CAMKMT: variants seen among roughly 807,000 people sequenced by gnomAD.
The protein encoded by CAMKMT is calmodulin-lysine N-methyltransferase, also known as CaM KMT.
In CAMKMT, 53 loss-of-function variants were observed where a neutral mutation model predicts 48.0. That is an observed-to-expected ratio of 1.10 (90% CI 0.89 to 1.39). The LOEUF is 1.39. Among genes scored for constraint, CAMKMT ranks in the 40% most tolerant of loss-of-function variants. CAMKMT has a pLI of 0.00. For missense variants in CAMKMT, 428 were observed against 402.7 expected (o/e 1.06, Z -0.54); for synonymous variants, 165 against 152.3 (o/e 1.08, Z -0.61).
chr2:44,694,631 A>T (rs1444870640), intron 3 of CAMKMT, among the ~76,000 whole-genome samples: 1 of 152,360 alleles, frequency 6.6e-6, no homozygotes, highest in Admixed American at 6.5e-5. Flanking sequence ...GTGGTTGCTT[A>T]TATTAAGTAG....
chr2:44,747,185 C>T (rs775423473), intron 8 of CAMKMT, among the ~76,000 whole-genome samples: 10 of 152,144 alleles, frequency 6.6e-5, no homozygotes, highest in Non-Finnish European at 1.2e-4. Context: ...GCTCTCTCAG[C>T]GTTTTTGCAC....
At chr2:44,520,124 CA>C (rs1671027561) in intron 3 of CAMKMT, among the ~76,000 whole-genome samples, 1 of 151,928 alleles carries the variant, frequency 6.6e-6, no homozygotes, top group Non-Finnish European at 1.5e-5. Flanking sequence ...GAGGCTGAGG[CA>C]GGAGAATGGC....
intron 3 of CAMKMT, among the ~76,000 whole-genome samples, chr2:44,420,300 G>C (rs988071720): frequency 6.6e-6 from 1 of 152,036 alleles, no homozygotes; most frequent in Non-Finnish European, 1.5e-5. Context: ...ATTTACTGTT[G>C]CTTTCATATT....
chr2:44,474,639 C>G (rs1304207567), intron 3 of CAMKMT, among the ~76,000 whole-genome samples: 2 of 152,108 alleles, frequency 1.3e-5, no homozygotes, highest in Admixed American at 1.3e-4. Context: ...GACCTATAAT[C>G]TCTAAGGCAG....
chr2:44,582,342 T>A (rs776107234), intron 3 of CAMKMT, among the ~76,000 whole-genome samples: 1 of 152,214 alleles, frequency 6.6e-6, no homozygotes, highest in Non-Finnish European at 1.5e-5. Flanking sequence ...TGCAATGCCA[T>A]AAAAATATTA....
chr2:44,643,446 GAGAGGT>G (rs1419082743), intron 3 of CAMKMT, among the ~76,000 whole-genome samples: 1 of 152,192 alleles, frequency 6.6e-6, no homozygotes, highest in African/African-American at 2.4e-5. Flanking sequence ...GGAAAAGTGA[GAGAGGT>G]CTAGATGGAG....
chr2:44,553,364 CTT>C lies in CAMKMT; in HGVS notation c.377-150904_377-150903del, dbSNP rs11355850. ...ACATCTTTTCATTCAGAGTGAGACA[CTT>C]TTTTTTTTTTTTTTGGGACAGTCTC... On this transcript the variant is annotated intron_variant, in intron 3 of 10. Transcript: ENST00000378494. Among the ~76,000 whole-genome samples the C allele has an allele frequency of 4.0e-3, 571 of 141,168 alleles. 2 individuals carry two copies. Among genetic ancestry groups the C allele is most frequent in the African/African-American group, 0.01 (403 of 38,686 alleles). The allele number at this position is 141,168 out of a possible 152,430, so 92.6% of individuals were successfully genotyped here. A position where few individuals can be genotyped will look rare whatever the true frequency, so the allele number is the denominator to read the frequency against.
intron 3 of CAMKMT, among the ~76,000 whole-genome samples, chr2:44,404,379 A>C (rs1206976218): frequency 1.3e-5 from 2 of 152,036 alleles, no homozygotes; most frequent in African/African-American, 4.8e-5. Context: ...GTTCTTCTTT[A>C]GTAGGGGTGT....
intron 3 of CAMKMT, among the ~76,000 whole-genome samples, chr2:44,394,653 G>A (rs1001396903): frequency 6.6e-6 from 1 of 151,904 alleles, no homozygotes; most frequent in Non-Finnish European, 1.5e-5. Context: ...GTCTCGAACT[G>A]CTGACCTCAG....
At chr2:44,455,502 A>G (rs1351846479) in intron 3 of CAMKMT, among the ~76,000 whole-genome samples, 1 of 152,214 alleles carries the variant, frequency 6.6e-6, no homozygotes, top group Non-Finnish European at 1.5e-5. Context: ...CATTCATTGC[A>G]GCTGTAAGAA....
intron 3 of CAMKMT, among the ~76,000 whole-genome samples, chr2:44,645,594 G>A (rs1000189787): frequency 1.3e-5 from 2 of 152,300 alleles, no homozygotes; most frequent in Non-Finnish European, 1.5e-5. Flanking sequence ...GCCGAGGCAG[G>A]CAGATCACTT....
At chr2:44,587,755 C>T (rs923781284) in intron 3 of CAMKMT, among the ~76,000 whole-genome samples, 6 of 135,588 alleles carry the variant, frequency 4.4e-5, no homozygotes, top group African/African-American at 1.1e-4. Context: ...GCTGGGATTG[C>T]AGACGGAGTC....
At chr2:44,499,026 A>G (rs1049423509) in intron 3 of CAMKMT, among the ~76,000 whole-genome samples, 1 of 152,182 alleles carries the variant, frequency 6.6e-6, no homozygotes, top group African/African-American at 2.4e-5. Context: ...ATATTTGCAA[A>G]ACCTCTTTTA....
At chr2:44,375,268 CTATATTTTTTAAGTT>C (rs1056085250) in intron 2 of CAMKMT, among the ~76,000 whole-genome samples, 1 of 150,756 alleles carries the variant, frequency 6.6e-6, no homozygotes, top group African/African-American at 2.4e-5. Flanking sequence ...TCATCTTCCT[CTATATTTTTTAAGTT>C]TGTTTAATCA....
chr2:44,622,727 T>C (rs1672267243), intron 3 of CAMKMT, among the ~76,000 whole-genome samples: 1 of 152,244 alleles, frequency 6.6e-6, no homozygotes. Context: ...ATTTTCTTTA[T>C]CCAGTCCACT....
intron 7 of CAMKMT, among the ~76,000 whole-genome samples, chr2:44,725,672 G>A (rs1255254362): frequency 1.3e-5 from 2 of 152,140 alleles, no homozygotes; most frequent in African/African-American, 4.8e-5. Flanking sequence ...GAAATAAGAG[G>A]TAGAAGTAGA....
At chr2:44,380,985 C>T (rs1680183375) in intron 2 of CAMKMT, among the ~76,000 whole-genome samples, 3 of 152,060 alleles carry the variant, frequency 2.0e-5, no homozygotes, top group Admixed American at 2.0e-4. Flanking sequence ...CATAGTGAAA[C>T]CCCATCTCTA....
At chr2:44,469,526 G>A (rs1456839695) in intron 3 of CAMKMT, among the ~76,000 whole-genome samples, 1 of 151,636 alleles carries the variant, frequency 6.6e-6, no homozygotes, top group East Asian at 1.9e-4. Flanking sequence ...TTCTTTTTCA[G>A]GAGCTCCTCT....
At chr2:44,583,658 T>C (rs1404098891) in intron 3 of CAMKMT, among the ~76,000 whole-genome samples, 2 of 151,960 alleles carry the variant, frequency 1.3e-5, no homozygotes, top group African/African-American at 2.4e-5. Context: ...TAGCTGGGCA[T>C]GGTGGCACAC....
Sources: gnomAD v4.1 joint callset for allele counts (sites outside exome capture counted in the v4.1 genomes callset) on GRCh38, gnomAD v4.1.1 for gene constraint, MANE v1.5 for transcripts, NCBI Gene and HGNC (gene_info 2026-07-23, HGNC 2026-07-21) for gene names.